RBFOX2: variants seen among roughly 807,000 people sequenced by gnomAD.
RBFOX2 encodes the protein RNA binding protein fox-1 homolog 2.
RBFOX2 carries 10 observed loss-of-function variants against 49.1 expected under a neutral mutation model. The ratio of observed to expected loss-of-function variants is 0.20; its 90% CI spans 0.13 to 0.35. The LOEUF (loss-of-function observed/expected upper bound fraction) is 0.35. Ranked by LOEUF, RBFOX2 falls within the 10% of genes least tolerant of loss-of-function variation. RBFOX2 has a pLI of 1.00. For missense variants in RBFOX2, 323 were observed against 486.9 expected (o/e 0.66, Z 3.17); for synonymous variants, 183 against 187.4 (o/e 0.98, Z 0.19).
chr22:35,794,762 T>TA (rs1004253407), intron 2 of RBFOX2, among the ~76,000 whole-genome samples: 10 of 152,266 alleles, frequency 6.6e-5, no homozygotes, highest in Admixed American at 1.3e-4. Context: ...GTAAACAGGT[T>TA]AAAAAAATTG....
At chr22:35,834,212 G>A (rs1253928533) in intron 1 of RBFOX2, among the ~76,000 whole-genome samples, 8 of 152,162 alleles carry the variant, frequency 5.3e-5, no homozygotes, top group Non-Finnish European at 7.4e-5. Flanking sequence ...GTCTGAACTT[G>A]GGCAAGTTAC....
At chr22:35,883,411 A>C (rs896946295) in intron 1 of RBFOX2, among the ~76,000 whole-genome samples, 1 of 152,216 alleles carries the variant, frequency 6.6e-6, no homozygotes, top group African/African-American at 2.4e-5. Context: ...AGAGGCCTTG[A>C]GTGTGACTGA....
chr22:35,897,710 C>G, intron 1 of RBFOX2: 2 of 948,476 alleles, frequency 2.1e-6, no homozygotes, highest in Non-Finnish European at 3.5e-6. Context: ...GCCTTCCAGC[C>G]CAAGGAAACA....
chr22:36,011,344 A>C (rs2058814132), intron 1 of RBFOX2, among the ~76,000 whole-genome samples: 2 of 152,178 alleles, frequency 1.3e-5, no homozygotes, highest in Non-Finnish European at 2.9e-5. Flanking sequence ...TTAGGTCTCC[A>C]ATCCTGGGAT....
chr22:35,870,502 TAAAA>T (rs893786340), intron 1 of RBFOX2, among the ~76,000 whole-genome samples: 6 of 152,068 alleles, frequency 3.9e-5, no homozygotes, highest in East Asian at 1.9e-4. Context: ...AACAAATAAA[TAAAA>T]AGTCATGTGA....
At chr22:35,769,341 T>C (rs1941985935) in intron 4 of RBFOX2, among the ~76,000 whole-genome samples, 2 of 152,158 alleles carry the variant, frequency 1.3e-5, no homozygotes, top group Admixed American at 1.3e-4. Context: ...TGCAAGATAC[T>C]ATAAAAATGG....
At chr22:35,931,316 T>TAA (rs75649440) in intron 1 of RBFOX2, among the ~76,000 whole-genome samples, 48 of 135,328 alleles carry the variant, frequency 3.5e-4, no homozygotes, top group Admixed American at 5.3e-4. Context: ...CATGTTTAGT[T>TAA]AAAAAAAAAA....
chr22:35,922,571 C>CAA (rs879283014), intron 1 of RBFOX2, among the ~76,000 whole-genome samples: 14 of 125,074 alleles, frequency 1.1e-4, no homozygotes, highest in African/African-American at 2.4e-4. Flanking sequence ...GACTCCATTT[C>CAA]AAAAAAAAAA....
intron 1 of RBFOX2, among the ~76,000 whole-genome samples, chr22:35,985,937 T>C (rs1197876044): frequency 1.3e-5 from 2 of 150,910 alleles, no homozygotes; most frequent in Non-Finnish European, 3.0e-5. Flanking sequence ...GATAGATAGA[T>C]AGATAGATAG....
At chr22:35,937,888 C>T (rs878882446) in intron 1 of RBFOX2, among the ~76,000 whole-genome samples, 3 of 152,138 alleles carry the variant, frequency 2.0e-5, no homozygotes, top group African/African-American at 7.2e-5. Flanking sequence ...CGCACCCAGC[C>T]GACCATCCTA....
intron 1 of RBFOX2, among the ~76,000 whole-genome samples, chr22:36,009,184 G>A (rs892403435): frequency 1.3e-5 from 2 of 152,092 alleles, no homozygotes; most frequent in Non-Finnish European, 2.9e-5. Context: ...GGTCTCTGGC[G>A]CCCGTGCTTT....
intron 2 of RBFOX2, among the ~76,000 whole-genome samples, chr22:35,790,248 C>T (rs1225325938): frequency 6.6e-6 from 1 of 152,182 alleles, no homozygotes; most frequent in Non-Finnish European, 1.5e-5. Context: ...ACATTGCTTG[C>T]TTTCAAAATA....
upstream of RBFOX2, among the ~76,000 whole-genome samples, chr22:35,941,344 G>A (rs139582234): frequency 2.8e-4 from 42 of 152,232 alleles, no homozygotes; most frequent in African/African-American, 8.9e-4. Flanking sequence ...TTCCAGGATG[G>A]TGGAAAAGAG....
At chr22:35,875,607 G>GGT (rs56137825) in intron 1 of RBFOX2, among the ~76,000 whole-genome samples, 8,231 of 117,536 alleles carry the variant, frequency 0.07, 362 homozygotes, top group African/African-American at 0.081. Context: ...TGCTCACAAG[G>GGT]GTGTGTGTGT....
intron 1 of RBFOX2, chr22:35,898,395 C>T (rs2048136039): frequency 1.5e-5 from 7 of 470,970 alleles, no homozygotes; most frequent in South Asian, 4.5e-5. Context: ...GATTGTGCAG[C>T]GGCCGCCATC....
intron 1 of RBFOX2, among the ~76,000 whole-genome samples, chr22:35,891,078 C>G (rs1017277193): frequency 6.6e-6 from 1 of 152,066 alleles, no homozygotes; most frequent in Non-Finnish European, 1.5e-5. Context: ...TAGACAGATT[C>G]GAATAGCATT....
chr22:35,778,700 G>A (rs13053898), intron 3 of RBFOX2, among the ~76,000 whole-genome samples: 11,578 of 151,032 alleles, frequency 0.077, 624 homozygotes, highest in Non-Finnish European at 0.12. Flanking sequence ...CCAGTGGCAC[G>A]ATCTTGGCTC....
chr22:35,784,616 A>C (rs1326128095), intron 2 of RBFOX2, among the ~76,000 whole-genome samples: 2 of 152,256 alleles, frequency 1.3e-5, no homozygotes, highest in African/African-American at 4.8e-5. Flanking sequence ...CCTTCAATGA[A>C]GACAGATGCT....
chr22:35,832,931 G>C (rs1957056427), intron 1 of RBFOX2, among the ~76,000 whole-genome samples: 1 of 152,206 alleles, frequency 6.6e-6, no homozygotes, highest in Non-Finnish European at 1.5e-5. Flanking sequence ...AAAATAGCTA[G>C]AAGGGGAGAT....
Sources: allele counts gnomAD v4.1 joint callset (sites outside exome capture counted in the v4.1 genomes callset), GRCh38; gene constraint gnomAD v4.1.1; transcripts MANE v1.5; gene names NCBI Gene and HGNC (gene_info 2026-07-23, HGNC 2026-07-21).